Variants in LRRC1 observed in about 807,000 individuals in gnomAD.
LRRC1 encodes the protein leucine-rich repeat-containing protein 1.
A neutral mutation model predicts 69.9 loss-of-function variants in LRRC1; 28 were observed. The ratio of observed to expected loss-of-function variants is 0.40; its 90% CI spans 0.30 to 0.55. LRRC1 has a LOEUF of 0.55. Among genes scored for constraint, LRRC1 ranks in the 20% least tolerant of loss-of-function variants. The pLI is 0.47. For synonymous variants in LRRC1, 236 were observed against 240.2 expected (o/e 0.98, Z 0.16); for missense variants, 498 against 609.0 (o/e 0.82, Z 1.92).
intron 2 of LRRC1, among the ~76,000 whole-genome samples, chr6:53,875,378 T>A (rs1008022725): frequency 2.6e-5 from 4 of 152,100 alleles, no homozygotes; most frequent in Non-Finnish European, 2.9e-5. Context: ...TGTAAAGTAA[T>A]GTAAGGTGCA....
intron 10 of LRRC1, among the ~76,000 whole-genome samples, chr6:53,907,238 A>T (rs2127439350): frequency 6.6e-6 from 1 of 152,344 alleles, no homozygotes; most frequent in East Asian, 1.9e-4. Flanking sequence ...AGTTGCATAC[A>T]TATCTAAACT....
rs779026134 is a variant in LRRC1, at chr6:53,896,542, C to A, written c.491C>A (p.Thr164Lys). Residue 164 changes from threonine (T) to lysine (K), a missense_variant, in exon 5 of 14, where the codon ACA becomes AAA. This residue lies in a region of LRRC1 where 266 missense variants were observed against 383.9 expected (regional missense o/e 0.69). Coordinates refer to ENST00000370888, the MANE Select transcript of LRRC1 (RefSeq NM_018214.5). ...ASLELRENLL[T>K]YLPDSLTQLR... ...CTGGAACTGAGAGAGAATCTTCTTA[C>A]ATATCTTCCTGAGTGAGTCTTTGGG... The A allele has an allele frequency of 6.2e-7, 1 of 1,612,416 alleles. No homozygotes were observed. The highest frequency in any genetic ancestry group is 1.7e-5 in the Admixed American group (1 of 60,002).
chr6:53,903,017 T>G (rs550641906), intron 9 of LRRC1, among the ~76,000 whole-genome samples: 3 of 152,150 alleles, frequency 2.0e-5, no homozygotes, highest in Non-Finnish European at 4.4e-5. Flanking sequence ...GGTGTGGGGA[T>G]AAGCTACTCT....
intron 1 of LRRC1, among the ~76,000 whole-genome samples, chr6:53,822,531 A>C (rs1765145364): frequency 6.6e-6 from 1 of 152,194 alleles, no homozygotes; most frequent in Non-Finnish European, 1.5e-5. Flanking sequence ...GTCTTACTAA[A>C]GGTTGTTGGG....
intron 2 of LRRC1, among the ~76,000 whole-genome samples, chr6:53,871,610 C>G (rs1176667927): frequency 3.3e-5 from 5 of 152,056 alleles, no homozygotes; most frequent in African/African-American, 1.2e-4. Context: ...GTTGAGTCTT[C>G]CCTTTGTTGT....
chr6:53,809,740 C>A (rs1215522355), intron 1 of LRRC1, among the ~76,000 whole-genome samples: 1 of 152,148 alleles, frequency 6.6e-6, no homozygotes, highest in Non-Finnish European at 1.5e-5. Context: ...TGGTAGTTTC[C>A]CCTTAGTGGA....
chr6:53,810,810 G>A (rs185331539), intron 1 of LRRC1, among the ~76,000 whole-genome samples: 18 of 152,282 alleles, frequency 1.2e-4, no homozygotes, highest in Admixed American at 2.0e-4. Context: ...CAGCCTCTGT[G>A]CCTTTCTTGG....
intron 1 of LRRC1, among the ~76,000 whole-genome samples, chr6:53,814,838 A>G (rs1284683302): frequency 6.6e-6 from 1 of 152,162 alleles, no homozygotes; most frequent in Non-Finnish European, 1.5e-5. Context: ...AGCTCTGGAT[A>G]TTGTAAATGA....
intron 1 of LRRC1, among the ~76,000 whole-genome samples, chr6:53,807,615 C>T (rs1764669232): frequency 2.0e-5 from 3 of 152,140 alleles, no homozygotes; most frequent in African/African-American, 7.2e-5. Flanking sequence ...TGTGGTGGCG[C>T]ATGCCTGTAA....
At chr6:53,823,502 T>C (rs1301757375) in intron 1 of LRRC1, among the ~76,000 whole-genome samples, 7 of 152,238 alleles carry the variant, frequency 4.6e-5, no homozygotes, top group Non-Finnish European at 8.8e-5. Flanking sequence ...AACCTTAATT[T>C]TGTTTTAAAC....
At chr6:53,820,166 C>T (rs1349602061) in intron 1 of LRRC1, among the ~76,000 whole-genome samples, 1 of 151,970 alleles carries the variant, frequency 6.6e-6, no homozygotes, top group East Asian at 1.9e-4. Flanking sequence ...GATTTACATA[C>T]AACTTACTGG....
intron 1 of LRRC1, among the ~76,000 whole-genome samples, chr6:53,818,527 G>T (rs1321199503): frequency 1.3e-5 from 2 of 152,164 alleles, no homozygotes; most frequent in African/African-American, 2.4e-5. Context: ...TTTATTATTT[G>T]TCACAGAGGA....
intron 1 of LRRC1, among the ~76,000 whole-genome samples, chr6:53,803,223 C>T (rs1764536058): frequency 6.6e-6 from 1 of 152,180 alleles, no homozygotes; most frequent in Non-Finnish European, 1.5e-5. Flanking sequence ...GCAGTGTAAA[C>T]ATTTCTTTGC....
At chr6:53,887,876 A>G (rs1396062739) in intron 4 of LRRC1, among the ~76,000 whole-genome samples, 2 of 152,268 alleles carry the variant, frequency 1.3e-5, no homozygotes, top group East Asian at 3.9e-4. Context: ...GTGGGGTCTT[A>G]CTGAGTCGAG....
intron 1 of LRRC1, among the ~76,000 whole-genome samples, chr6:53,806,733 A>C (rs1469819815): frequency 1.3e-5 from 2 of 152,208 alleles, no homozygotes; most frequent in Admixed American, 6.5e-5. Flanking sequence ...AATCATTATA[A>C]TCAAGGATTT....
chr6:53,840,566 T>C (rs1765749562), intron 1 of LRRC1, among the ~76,000 whole-genome samples: 1 of 152,098 alleles, frequency 6.6e-6, no homozygotes, highest in Non-Finnish European at 1.5e-5. Flanking sequence ...ACGAATTACT[T>C]TGTAGTACCT....
chr6:53,890,483 A>AG (rs1402841916), intron 4 of LRRC1, among the ~76,000 whole-genome samples: 1 of 152,124 alleles, frequency 6.6e-6, no homozygotes. Context: ...GCTTGAACTA[A>AG]GTGATCCATG....
chr6:53,899,609 C>T, intron 7 of LRRC1, 138 bp from the exon 8 acceptor site: 1 of 719,390 alleles, frequency 1.4e-6, no homozygotes, highest in Non-Finnish European at 2.2e-6. Flanking sequence ...TTTGCCCCTG[C>T]CTTCACATTT....
chr6:53,795,223 C>T lies in LRRC1; in HGVS notation c.-34C>T. ...GGGCTCGGAGCCCGGGTCTCCGCCG[C>T]TCGGGACCCGGCTAGGCGGCGGCGG... On this transcript the variant is annotated 5_prime_UTR_variant, in exon 1 of 14. Transcript: ENST00000370888. The T allele has an allele frequency of 6.4e-7, 1 of 1,569,080 alleles. No individual in the cohort carries two copies. Among genetic ancestry groups the T allele is most frequent in the South Asian group, 1.2e-5 (1 of 86,218 alleles).
Sources: allele counts gnomAD v4.1 joint callset (sites outside exome capture counted in the v4.1 genomes callset), GRCh38; gene constraint gnomAD v4.1.1; regional missense constraint gnomAD v4.1.1; transcripts MANE v1.5; gene names NCBI Gene and HGNC (gene_info 2026-07-23, HGNC 2026-07-21).